RTTN: variants seen among roughly 807,000 people sequenced by gnomAD.
RTTN encodes rotatin.
In RTTN, 182 loss-of-function variants were observed where a neutral mutation model predicts 269.2. The observed-to-expected ratio is 0.68, with a 90% CI of 0.60 to 0.76. RTTN has a LOEUF of 0.76. RTTN is among the 30% of genes least tolerant of loss of function. The pLI is 0.00. For synonymous variants in RTTN, 1,006 were observed against 963.5 expected, an observed-to-expected ratio of 1.04 and a Z score of -0.82; for missense variants, 2,545 against 2,608.6, an observed-to-expected ratio of 0.98 and a Z score of 0.53.
chr18:70,141,758 T>C (rs991818094), intron 19 of RTTN, among the ~76,000 whole-genome samples: 24 of 152,064 alleles, frequency 1.6e-4, no homozygotes, highest in Non-Finnish European at 8.8e-5. Flanking sequence ...ACCCTAGAAC[T>C]TAAAGTATAA....
intron 21 of RTTN, among the ~76,000 whole-genome samples, chr18:70,136,440 A>G (rs1009699695): frequency 6.6e-6 from 1 of 151,636 alleles, no homozygotes; most frequent in Non-Finnish European, 1.5e-5. Flanking sequence ...TTTAAAGGAT[A>G]GAAAAGTTGA....
chr18:70,144,140 C>T (rs915353837), intron 18 of RTTN, among the ~76,000 whole-genome samples: 3 of 152,288 alleles, frequency 2.0e-5, no homozygotes, highest in Non-Finnish European at 4.4e-5. Context: ...AGCCACTGTG[C>T]CCGGCCCCTC....
Position 70,024,976 on chromosome 18 carries a change from T to C in RTTN, c.5824-128A>G, listed in dbSNP as rs2056812752. The C allele has an allele frequency of 1.2e-5, 12 of 1,039,090 alleles. No homozygotes were observed. The South Asian group carries it at 1.8e-4, about 15-fold the overall frequency. The allele number at this position is 1,039,090 out of a possible 1,614,324, so 64.4% of individuals were successfully genotyped here. A position where few individuals can be genotyped will look rare whatever the true frequency, so the allele number is the denominator to read the frequency against. On this transcript the variant is annotated intron_variant, in intron 43 of 48. Coordinates refer to ENST00000640769, the MANE Select transcript of RTTN (RefSeq NM_173630.4). ...AACCCTGTGGATGGCTTCAGCATCC[T>C]GCCCCAGCCCCATTGGGCTCCACAC...
At chr18:70,006,644 T>C (rs1404368228) in intron 46 of RTTN, 160 bp from the exon 47 acceptor site, 4 of 611,996 alleles carry the variant, frequency 6.5e-6, no homozygotes, top group Non-Finnish European at 8.9e-6. Context: ...CCATGTGGTA[T>C]ATGGGAGGAC....
intron 23 of RTTN, chr18:70,130,920 T>C (rs565401945): frequency 3.9e-5 from 6 of 152,054 alleles, no homozygotes; most frequent in Non-Finnish European, 8.8e-5. Context: ...TGTACTATTA[T>C]ATACCCATAA....
chr18:70,101,952 T>C (rs1568381569), intron 28 of RTTN, among the ~76,000 whole-genome samples: 1 of 152,220 alleles, frequency 6.6e-6, no homozygotes, highest in Admixed American at 6.5e-5. Context: ...CAGTTTATCA[T>C]AACTTCTGTT....
At chr18:70,055,312 C>A (rs2057785758) in intron 37 of RTTN, among the ~76,000 whole-genome samples, 2 of 151,726 alleles carry the variant, frequency 1.3e-5, no homozygotes, top group South Asian at 4.2e-4. Flanking sequence ...TGTACACACA[C>A]ACACATACAC....
Position 70,004,106 on chromosome 18 carries a change from C to G in RTTN, c.*45G>C, listed in dbSNP as rs774788368. 1.4e-6 allele frequency: 2 copies of G among 1,459,456 alleles called. No individual in the cohort carries two copies. Among genetic ancestry groups the G allele is most frequent in the African/African-American group, 2.8e-5 (2 of 71,808 alleles). 90.4% of individuals were successfully genotyped at this position (1,459,456 alleles called of 1,614,324 possible). A position where few individuals can be genotyped will look rare whatever the true frequency, so the allele number is the denominator to read the frequency against. ...ACACAGCTGGCTTCAACTTTAGCTC[C>G]CCTGTTGATGACTGTCAGCTTCAAG... On this transcript the variant is annotated 3_prime_UTR_variant, in exon 49 of 49. Transcript: ENST00000640769.
At position 70,145,600 on chromosome 18, in the gene RTTN, A is replaced by G. The variant is rs1030584386; in HGVS notation, c.2481+12T>C. ...ATTACCACACAGTAATAAACTCAAA[A>G]TTTATAGTCACCTTAATAACCAGCT... On this transcript the variant is annotated intron_variant, in intron 18 of 48. Coordinates refer to ENST00000640769, the MANE Select transcript of RTTN (RefSeq NM_173630.4). 1.3e-6 allele frequency: 2 copies of G among 1,570,262 alleles called. No individual in the cohort carries two copies. The highest frequency in any genetic ancestry group is 2.0e-5 in the Admixed American group (1 of 49,434).
intron 1 of RTTN, 62 bp downstream of exon 1, chr18:70,205,566 C>T (rs967176126): frequency 5.7e-5 from 92 of 1,604,926 alleles, no homozygotes; most frequent in Non-Finnish European, 7.6e-5. Context: ...GTGACACGAC[C>T]ATTCTCAGCA....
intron 30 of RTTN, among the ~76,000 whole-genome samples, chr18:70,090,149 G>A (rs1269595968): frequency 1.3e-5 from 2 of 152,188 alleles, no homozygotes; most frequent in Non-Finnish European, 2.9e-5. Context: ...GAAAGATGCA[G>A]AGAATGAAGG....
rs898495402 is a variant in RTTN, at chr18:70,020,478, CTTAACCCTT to C, written c.6153+128_6153+136del. On this transcript the variant is annotated intron_variant, in intron 45 of 48. Coordinates refer to ENST00000640769, the MANE Select transcript of RTTN (RefSeq NM_173630.4). The stretch of plus-strand genomic sequence containing the variant: ...AACTGGCTTTAAACAAAGTGAACCT[CTTAACCCTT>C]TTATAATCCTTTAAAATAAAATGCC... 4 of 864,850 alleles carry C rather than the reference CTTAACCCTT, an allele frequency of 4.6e-6. 1 individual carries two copies. In the African/African-American group the frequency reaches 6.7e-5, roughly 15 times the overall value. 53.6% of individuals were successfully genotyped at this position (864,850 alleles called of 1,614,324 possible).
At chr18:70,074,021 T>A (rs751805807) in intron 33 of RTTN, 27 bp from the exon 34 acceptor site, 3 of 1,435,136 alleles carry the variant, frequency 2.1e-6, no homozygotes, top group South Asian at 1.1e-5. Context: ...ATTGTTAACA[T>A]GGACACCCTC....
chr18:70,187,019 T>A (rs2061562869), intron 10 of RTTN, among the ~76,000 whole-genome samples: 1 of 152,094 alleles, frequency 6.6e-6, no homozygotes, highest in Non-Finnish European at 1.5e-5. Context: ...TAAATAAAAG[T>A]TTTTTAGAAA....
intron 25 of RTTN, among the ~76,000 whole-genome samples, chr18:70,125,482 C>T (rs760653175): frequency 6.6e-6 from 1 of 151,836 alleles, no homozygotes; most frequent in Non-Finnish European, 1.5e-5. Flanking sequence ...TTGGATATAT[C>T]ATATATTTGA....
chr18:70,176,433 C>T (rs1182878360), intron 11 of RTTN, among the ~76,000 whole-genome samples: 3 of 152,122 alleles, frequency 2.0e-5, no homozygotes, highest in African/African-American at 4.8e-5. Flanking sequence ...TGCAATAAAA[C>T]ATATGCAATA....
chr18:70,090,467 A>G (rs1301502543), intron 30 of RTTN, among the ~76,000 whole-genome samples: 2 of 152,162 alleles, frequency 1.3e-5, no homozygotes, highest in Non-Finnish European at 2.9e-5. Flanking sequence ...GCCTTCTTGT[A>G]TTGATGTGAG....
At chr18:70,124,266 A>G (rs1481905793) in intron 25 of RTTN, among the ~76,000 whole-genome samples, 11 of 152,106 alleles carry the variant, frequency 7.2e-5, no homozygotes. Context: ...GCGCAAAAAC[A>G]GAATGAATAT....
At chr18:70,060,560 G>GT (rs1261061682) in intron 35 of RTTN, among the ~76,000 whole-genome samples, 1 of 152,062 alleles carries the variant, frequency 6.6e-6, no homozygotes, top group Non-Finnish European at 1.5e-5. Context: ...TCAAATCAAG[G>GT]TAACTGGGAC....
Sources: gnomAD v4.1 joint callset for allele counts (sites outside exome capture counted in the v4.1 genomes callset) on GRCh38, gnomAD v4.1.1 for gene constraint, MANE v1.5 for transcripts, NCBI Gene and HGNC (gene_info 2026-07-23, HGNC 2026-07-21) for gene names.